CCDC141: variants seen among roughly 807,000 people sequenced by gnomAD.
CCDC141 encodes the protein coiled-coil domain-containing protein 141.
Under a neutral mutation model 181.0 loss-of-function variants are expected in CCDC141, and 168 were observed. The ratio of observed to expected loss-of-function variants is 0.93; its 90% CI spans 0.82 to 1.05. The LOEUF (loss-of-function observed/expected upper bound fraction) is 1.05, where lower values mean the gene tolerates loss of function less well. Among genes scored for constraint, CCDC141 ranks in the 50% least tolerant of loss-of-function variants. CCDC141 has a pLI of 0.00. For missense variants in CCDC141, 1,902 were observed against 1,788.5 expected (o/e 1.06, Z -1.14); for synonymous variants, 666 against 642.3 (o/e 1.04, Z -0.56).
chr2:178,873,514 A>G (rs1332883138), intron 12 of CCDC141: 1 of 152,194 alleles, frequency 6.6e-6, no homozygotes, highest in African/African-American at 2.4e-5. Context: ...AATGTAATGT[A>G]TTATATAATT....
At chr2:178,980,130 A>C (rs1342958872) in intron 2 of CCDC141, among the ~76,000 whole-genome samples, 1 of 152,234 alleles carries the variant, frequency 6.6e-6, no homozygotes, top group Admixed American at 6.5e-5. Context: ...ATATTAAAAC[A>C]GCTGAAAGAT....
chr2:179,009,484 C>T (rs1467499133), intron 2 of CCDC141, among the ~76,000 whole-genome samples: 1 of 152,004 alleles, frequency 6.6e-6, no homozygotes, highest in African/African-American at 2.4e-5. Context: ...TTCCCCTTTT[C>T]CTATGGATGT....
intron 5 of CCDC141, among the ~76,000 whole-genome samples, chr2:178,947,520 C>T (rs1689781735): frequency 6.6e-6 from 1 of 152,160 alleles, no homozygotes; most frequent in Admixed American, 6.5e-5. Context: ...TCATGGTCAT[C>T]CCATTAATTT....
chr2:179,038,801 T>TA (rs1223249036), intron 2 of CCDC141, among the ~76,000 whole-genome samples: 1 of 152,192 alleles, frequency 6.6e-6, no homozygotes, highest in Non-Finnish European at 1.5e-5. Context: ...TTTACCACTC[T>TA]AAAGGGTCAT....
downstream of CCDC141, among the ~76,000 whole-genome samples, chr2:178,827,779 C>A (rs563896966): frequency 3.3e-5 from 5 of 152,104 alleles, no homozygotes; most frequent in Admixed American, 6.5e-5. Context: ...ATTGTAGTAG[C>A]TTCCTAGGGC....
At chr2:179,029,685 G>A (rs1309592637) in intron 2 of CCDC141, among the ~76,000 whole-genome samples, 1 of 152,018 alleles carries the variant, frequency 6.6e-6, no homozygotes, top group Non-Finnish European at 1.5e-5. Flanking sequence ...AGCTTAGCTG[G>A]GATTTTTGGT....
chr2:178,919,442 A>T (rs1688593061), intron 6 of CCDC141, among the ~76,000 whole-genome samples: 1 of 152,216 alleles, frequency 6.6e-6, no homozygotes, highest in African/African-American at 2.4e-5. Flanking sequence ...ACACAGAAAG[A>T]GGCTAAAAAG....
chr2:178,846,761 C>A (rs779818275), intron 21 of CCDC141, among the ~76,000 whole-genome samples: 20 of 152,206 alleles, frequency 1.3e-4, no homozygotes, highest in Non-Finnish European at 2.2e-4. Context: ...CCTCTTTGGA[C>A]TTTTCCTTTC....
At position 178,944,627 on chromosome 2, in the gene CCDC141, T is replaced by A. The variant is rs963437133; in HGVS notation, c.805A>T (p.Ile269Leu). 1.2e-5 allele frequency: 18 copies of A among 1,523,194 alleles called. No individual in the cohort carries two copies. In the South Asian group the frequency reaches 2.3e-4, roughly 19 times the overall value. 94.4% of individuals were successfully genotyped at this position (1,523,194 alleles called of 1,614,324 possible). A position where few individuals can be genotyped will look rare whatever the true frequency, so the allele number is the denominator to read the frequency against. ...AGACTTTGTTCCTGTAAATTTCTTATAGTTTTCTGAAACCAACAAGTAACC... is the reference window on the plus strand; with the variant it reads ...AGACTTTGTTCCTGTAAATTTCTTAAAGTTTTCTGAAACCAACAAGTAACC... ...NQVTCWFQKT[I>L]RNLQEQSLGS... The change falls in exon 6 of 24, where the codon ATA becomes TTA. Residue 269 changes from isoleucine to leucine, a missense_variant. Coordinates refer to ENST00000443758, the MANE Select transcript of CCDC141 (RefSeq NM_173648.4).
At chr2:178,978,160 ATTGT>A (rs1691207346) in intron 3 of CCDC141, among the ~76,000 whole-genome samples, 1 of 152,150 alleles carries the variant, frequency 6.6e-6, no homozygotes, top group South Asian at 2.1e-4. Flanking sequence ...CCATCAGGTA[ATTGT>A]TTGATTTAGT....
intron 8 of CCDC141, among the ~76,000 whole-genome samples, chr2:178,889,903 T>A (rs1210545892): frequency 1.3e-5 from 2 of 152,238 alleles, no homozygotes; most frequent in Non-Finnish European, 2.9e-5. Context: ...ACATTTATCA[T>A]TAAGAAATAG....
At chr2:178,998,462 G>C (rs1055008617) in intron 2 of CCDC141, among the ~76,000 whole-genome samples, 5 of 152,012 alleles carry the variant, frequency 3.3e-5, no homozygotes, top group Admixed American at 6.6e-5. Context: ...CTATTGTATT[G>C]TTTTCATTTC....
chr2:178,816,876 C>T, the CCDC141 span, among the ~76,000 whole-genome samples: 1 of 152,160 alleles, frequency 6.6e-6, no homozygotes, highest in South Asian at 2.1e-4. Context: ...AGACCAGGCT[C>T]ATTCCCTGAG....
At chr2:178,878,697 ATTGT>A (rs899968601) in intron 11 of CCDC141, among the ~76,000 whole-genome samples, 1 of 152,140 alleles carries the variant, frequency 6.6e-6, no homozygotes, top group Non-Finnish European at 1.5e-5. Flanking sequence ...TGGATTGTTG[ATTGT>A]TTGGGTAGAA....
intron 8 of CCDC141, among the ~76,000 whole-genome samples, chr2:178,890,854 G>A (rs1034595872): frequency 5.9e-5 from 9 of 152,086 alleles, no homozygotes; most frequent in African/African-American, 2.2e-4. Context: ...AGTCATAATA[G>A]CTACTATTTA....
At chr2:178,985,982 T>C (rs1269774973) in intron 2 of CCDC141, among the ~76,000 whole-genome samples, 2 of 152,168 alleles carry the variant, frequency 1.3e-5, no homozygotes, top group East Asian at 3.8e-4. Flanking sequence ...CCAGCATCAT[T>C]CGGATACCAA....
intron 6 of CCDC141, among the ~76,000 whole-genome samples, chr2:178,924,736 A>T (rs1688849141): frequency 6.6e-6 from 1 of 152,176 alleles, no homozygotes; most frequent in South Asian, 2.1e-4. Flanking sequence ...CCTCACTATG[A>T]TGCAGTCCAG....
downstream of CCDC141, among the ~76,000 whole-genome samples, chr2:178,825,105 GA>G (rs1267835016): frequency 9.2e-5 from 14 of 152,246 alleles, no homozygotes; most frequent in East Asian, 2.5e-3. Context: ...TAGTTGCATT[GA>G]AAAGTTTCCA....
At chr2:178,836,788 A>G in intron 23 of CCDC141, 106 bp downstream of exon 23, 4 of 1,259,764 alleles carry the variant, frequency 3.2e-6, no homozygotes, top group Non-Finnish European at 4.4e-6. Flanking sequence ...AGTGTCATAG[A>G]ATATTAATCA....
Sources: allele counts gnomAD v4.1 joint callset (sites outside exome capture counted in the v4.1 genomes callset), GRCh38; gene constraint gnomAD v4.1.1; transcripts MANE v1.5; gene names NCBI Gene and HGNC (gene_info 2026-07-23, HGNC 2026-07-21).